VWC2L: variants seen among roughly 807,000 people sequenced by gnomAD.
VWC2L encodes von Willebrand factor C domain containing 2 like.
Under a neutral mutation model 21.6 loss-of-function variants are expected in VWC2L, and 10 were observed. The observed-to-expected ratio is 0.46, with a 90% CI of 0.29 to 0.78. VWC2L has a LOEUF of 0.78. Among genes scored for constraint, VWC2L ranks in the 30% least tolerant of loss-of-function variants. The probability of loss-of-function intolerance (pLI) is 0.10; values close to 1 mark genes in which losing one functional copy is unlikely to be tolerated. For missense variants in VWC2L, 209 were observed against 277.1 expected (o/e 0.75, Z 1.74); for synonymous variants, 96 against 94.3 (o/e 1.02, Z -0.10).
chr2:214,486,980 A>T (rs1009285993), intron 3 of VWC2L, among the ~76,000 whole-genome samples: 2 of 152,220 alleles, frequency 1.3e-5, no homozygotes, highest in Non-Finnish European at 2.9e-5. Context: ...GTAAAGAGGT[A>T]ATCATGTTTA....
chr2:214,549,549 C>T (rs921119217), intron 3 of VWC2L, among the ~76,000 whole-genome samples: 4 of 152,196 alleles, frequency 2.6e-5, no homozygotes, highest in Non-Finnish European at 4.4e-5. Context: ...TCAAGACAGG[C>T]GGATCACAAG....
intron 3 of VWC2L, among the ~76,000 whole-genome samples, chr2:214,451,576 T>C (rs1702955384): frequency 6.6e-6 from 1 of 152,166 alleles, no homozygotes; most frequent in South Asian, 2.1e-4. Context: ...CAAGAAGGGC[T>C]ATTCTTAAGG....
chr2:214,575,483 G>A (rs1351768143), intron 3 of VWC2L, among the ~76,000 whole-genome samples, 189 bp from the exon 4 acceptor site: 1 of 152,108 alleles, frequency 6.6e-6, no homozygotes, highest in African/African-American at 2.4e-5. Flanking sequence ...CGGGAAATAT[G>A]AGCTGTGTGC....
At chr2:214,511,355 A>T (rs1431302350) in intron 3 of VWC2L, among the ~76,000 whole-genome samples, 1 of 152,186 alleles carries the variant, frequency 6.6e-6, no homozygotes, top group Non-Finnish European at 1.5e-5. Flanking sequence ...CCTCAAATTC[A>T]TATGGAAGCC....
chr2:214,436,582 G>T (rs1485730498), intron 2 of VWC2L, 47 bp from the exon 3 acceptor site: 1 of 1,603,734 alleles, frequency 6.2e-7, no homozygotes, highest in African/African-American at 1.3e-5. Flanking sequence ...GAATGTGCAA[G>T]CATTAAGTTA....
chr2:214,449,839 AG>A (rs1702927132), intron 3 of VWC2L, among the ~76,000 whole-genome samples: 1 of 152,214 alleles, frequency 6.6e-6, no homozygotes, highest in Admixed American at 6.5e-5. Flanking sequence ...ACTGTTTGTC[AG>A]GGTGGATAAC....
intron 3 of VWC2L, among the ~76,000 whole-genome samples, chr2:214,493,251 T>C (rs774408509): frequency 2.0e-5 from 3 of 152,178 alleles, no homozygotes; most frequent in Non-Finnish European, 2.9e-5. Flanking sequence ...GAAGCAAGGT[T>C]TAAATAAAGT....
chr2:214,450,101 G>A (rs144581218), intron 3 of VWC2L, among the ~76,000 whole-genome samples: 1 of 152,292 alleles, frequency 6.6e-6, no homozygotes, highest in Non-Finnish European at 1.5e-5. Flanking sequence ...AAGGTGTAGG[G>A]TTATTGATGT....
chr2:214,546,872 G>A (rs1689714931), intron 3 of VWC2L, among the ~76,000 whole-genome samples: 1 of 152,102 alleles, frequency 6.6e-6, no homozygotes, highest in African/African-American at 2.4e-5. Context: ...CCCCAAAAAG[G>A]ATGATACCCT....
chr2:214,577,959 A>G lies in VWC2L; in HGVS notation c.*2139A>G, dbSNP rs1393797266. 1 of 152,118 alleles carries G rather than the reference A, an allele frequency of 6.6e-6. No homozygotes were observed. Among genetic ancestry groups the G allele is most frequent in the Non-Finnish European group, 1.5e-5 (1 of 68,018 alleles). The allele number at this position is 152,118 out of a possible 1,614,324, so 9.4% of individuals were successfully genotyped here. A position where few individuals can be genotyped will look rare whatever the true frequency, so the allele number is the denominator to read the frequency against. ...GCCTTTCATTTGCCACCATGGATAC[A>G]TCATATAGACAGTCATGAATCATTC... On this transcript the variant is annotated 3_prime_UTR_variant, in exon 4 of 4. Transcript: ENST00000312504.
intron 3 of VWC2L, among the ~76,000 whole-genome samples, chr2:214,456,391 G>C (rs542814922): frequency 6.6e-6 from 1 of 151,746 alleles, no homozygotes; most frequent in South Asian, 2.1e-4. Context: ...TGATTGTTTG[G>C]TTTTTGTTTG....
intron 3 of VWC2L, among the ~76,000 whole-genome samples, chr2:214,466,547 T>C (rs1302823273): frequency 6.6e-6 from 1 of 152,210 alleles, no homozygotes; most frequent in Non-Finnish European, 1.5e-5. Flanking sequence ...CTTTATTTTT[T>C]AAAAAGGTTG....
At chr2:214,461,112 T>G (rs776022868) in intron 3 of VWC2L, among the ~76,000 whole-genome samples, 1 of 152,230 alleles carries the variant, frequency 6.6e-6, no homozygotes, top group Admixed American at 6.5e-5. Flanking sequence ...GGAATGGGGA[T>G]GCCAGATGGG....
At chr2:214,573,315 C>A (rs1261049690) in intron 3 of VWC2L, among the ~76,000 whole-genome samples, 1 of 152,116 alleles carries the variant, frequency 6.6e-6, no homozygotes, top group Non-Finnish European at 1.5e-5. Flanking sequence ...ATATCCAAAT[C>A]TTCTCAAGAA....
intron 3 of VWC2L, among the ~76,000 whole-genome samples, chr2:214,522,181 C>G (rs1476728881): frequency 2.0e-5 from 3 of 152,072 alleles, no homozygotes; most frequent in Admixed American, 1.3e-4. Flanking sequence ...CAAGACCACC[C>G]TGGCTAACAC....
At chr2:214,570,688 T>A (rs1305019287) in intron 3 of VWC2L, among the ~76,000 whole-genome samples, 1 of 149,192 alleles carries the variant, frequency 6.7e-6, no homozygotes, top group African/African-American at 2.4e-5. Context: ...GTGTTTCATT[T>A]AAAAAAAAAA....
chr2:214,460,307 G>T (rs1396754984), intron 3 of VWC2L, among the ~76,000 whole-genome samples: 2 of 152,136 alleles, frequency 1.3e-5, no homozygotes, highest in African/African-American at 4.8e-5. Flanking sequence ...TAAACCTCTT[G>T]CTAGGTTTGG....
chr2:214,524,517 T>C (rs929299307), intron 3 of VWC2L, among the ~76,000 whole-genome samples: 1 of 152,174 alleles, frequency 6.6e-6, no homozygotes, highest in Non-Finnish European at 1.5e-5. Flanking sequence ...TTATGGGCAA[T>C]ACAAATTGTA....
At chr2:214,433,519 T>G (rs551974852) in intron 2 of VWC2L, among the ~76,000 whole-genome samples, 24 of 152,284 alleles carry the variant, frequency 1.6e-4, no homozygotes, top group African/African-American at 5.3e-4. Flanking sequence ...AAACTTTGGT[T>G]TTACAGGGAC....
Sources: allele counts gnomAD v4.1 joint callset (sites outside exome capture counted in the v4.1 genomes callset), GRCh38; gene constraint gnomAD v4.1.1; transcripts MANE v1.5; gene names NCBI Gene and HGNC (gene_info 2026-07-23, HGNC 2026-07-21).